IL7: variants seen among roughly 807,000 people sequenced by gnomAD.
The protein encoded by IL7 is interleukin 7.
Under a neutral mutation model 21.6 loss-of-function variants are expected in IL7, and 3 were observed. That is an observed-to-expected ratio of 0.14 (90% CI 0.06 to 0.36). The LOEUF (loss-of-function observed/expected upper bound fraction) is 0.36, where lower values mean the gene tolerates loss of function less well. IL7 is among the 10% of genes least tolerant of loss of function. The probability of loss-of-function intolerance (pLI) is 1.00; values close to 1 mark genes in which losing one functional copy is unlikely to be tolerated. For synonymous variants in IL7, 62 were observed against 68.1 expected (o/e 0.91, Z 0.44); for missense variants, 175 against 200.2 (o/e 0.87, Z 0.76).
intron 4 of IL7, among the ~76,000 whole-genome samples, chr8:78,737,469 A>G (rs1477447996): frequency 6.6e-6 from 1 of 152,138 alleles, no homozygotes; most frequent in East Asian, 1.9e-4. Flanking sequence ...ATAGAAAAAA[A>G]AAGTAGAAAT....
intron 1 of IL7, among the ~76,000 whole-genome samples, chr8:78,800,557 C>T (rs375826201): frequency 1.3e-5 from 2 of 152,156 alleles, no homozygotes; most frequent in Admixed American, 6.5e-5. Flanking sequence ...GCCTCAGCCT[C>T]CTTAAGTGTC....
intron 3 of IL7, among the ~76,000 whole-genome samples, chr8:78,693,487 G>A (rs967483163): frequency 2.0e-5 from 3 of 152,212 alleles, no homozygotes; most frequent in Admixed American, 6.5e-5. Context: ...GGCCAGTAAT[G>A]ATGAACATTT....
At chr8:78,791,120 C>T (rs1409712262) in intron 2 of IL7, among the ~76,000 whole-genome samples, 1 of 152,080 alleles carries the variant, frequency 6.6e-6, no homozygotes, top group African/African-American at 2.4e-5. Flanking sequence ...GGGGGAAAGA[C>T]AAGTTCTTTC....
intron 2 of IL7, among the ~76,000 whole-genome samples, chr8:78,770,530 C>G (rs573796928): frequency 3.0e-4 from 45 of 152,184 alleles, no homozygotes; most frequent in African/African-American, 1.1e-3. Context: ...AAATATATCT[C>G]TCTTTTATTC....
chr8:78,785,166 C>A (rs1043418684), intron 2 of IL7, among the ~76,000 whole-genome samples: 1 of 152,082 alleles, frequency 6.6e-6, no homozygotes, highest in Admixed American at 6.6e-5. Flanking sequence ...AACTTAGTAA[C>A]AATCATGTTG....
Position 78,706,900 on chromosome 8 carries a change from A to G in IL7, n.214+14448T>C, listed in dbSNP as rs141433837. Among the ~76,000 whole-genome samples, 871 of 152,280 alleles carry G rather than the reference A, an allele frequency of 5.7e-3. 8 individuals carry two copies. The highest frequency in any genetic ancestry group is 0.02 in the African/African-American group (816 of 41,554). ...AAAAGGAAAAAAAAATCAACCAACA[A>G]TATCTTTTGAGTTAAGTGATTTTTC... On this transcript the variant is annotated intron_variant and non_coding_transcript_variant, in intron 3 of 4. Coordinates refer to the IL7 transcript ENST00000523959.
intron 2 of IL7, among the ~76,000 whole-genome samples, chr8:78,757,999 C>A (rs1164594264): frequency 2.0e-5 from 3 of 151,992 alleles, no homozygotes; most frequent in Non-Finnish European, 4.4e-5. Context: ...TGTAAGATAT[C>A]CCTTTGTTCT....
At chr8:78,720,880 G>A (rs927899829) in intron 5 of IL7, 1 of 151,808 alleles carries the variant, frequency 6.6e-6, no homozygotes, top group African/African-American at 2.4e-5. Flanking sequence ...TTTCATTTAA[G>A]ATAAGGATCT....
At chr8:78,763,843 C>A (rs142591371) in intron 2 of IL7, among the ~76,000 whole-genome samples, 66 of 152,024 alleles carry the variant, frequency 4.3e-4, no homozygotes, top group African/African-American at 1.4e-3. Flanking sequence ...CCAGCATTAC[C>A]CTAATATCAA....
At chr8:78,792,883 C>T (rs1813740417) in intron 2 of IL7, among the ~76,000 whole-genome samples, 1 of 152,096 alleles carries the variant, frequency 6.6e-6, no homozygotes, top group South Asian at 2.1e-4. Context: ...AAAAGTTTAA[C>T]AGAGTGACCA....
intron 4 of IL7, among the ~76,000 whole-genome samples, chr8:78,682,722 C>G (rs1809828980): frequency 1.3e-5 from 2 of 152,298 alleles, no homozygotes; most frequent in African/African-American, 4.8e-5. Context: ...GCCTTCCCAA[C>G]AGTCCCCCAA....
chr8:78,762,423 G>C, intron 2 of IL7: 1 of 1,599,776 alleles, frequency 6.3e-7, no homozygotes, highest in South Asian at 1.1e-5. Context: ...CAGCGCAGAA[G>C]TTCGGCATCG....
intron 2 of IL7, among the ~76,000 whole-genome samples, chr8:78,772,450 C>T (rs898107277): frequency 3.3e-5 from 5 of 151,848 alleles, no homozygotes; most frequent in African/African-American, 1.2e-4. Context: ...AGAATGATAC[C>T]TTCCTTAATA....
chr8:78,796,795 T>C (rs1813867780), intron 2 of IL7, among the ~76,000 whole-genome samples: 1 of 152,006 alleles, frequency 6.6e-6, no homozygotes, highest in South Asian at 2.1e-4. Flanking sequence ...ATCTCATTCA[T>C]TGCTGGTAAG....
At chr8:78,757,133 T>C (rs1166333393) in intron 2 of IL7, among the ~76,000 whole-genome samples, 2 of 152,074 alleles carry the variant, frequency 1.3e-5, no homozygotes, top group African/African-American at 2.4e-5. Context: ...ATCTTCATTT[T>C]TTCATTAATC....
At chr8:78,790,475 A>G (rs1813650994) in intron 2 of IL7, among the ~76,000 whole-genome samples, 1 of 152,142 alleles carries the variant, frequency 6.6e-6, no homozygotes, top group African/African-American at 2.4e-5. Flanking sequence ...TCATTAATTT[A>G]TGGTGTTGAT....
chr8:78,727,037 A>G (rs534540484), intron 3 of IL7, among the ~76,000 whole-genome samples: 24 of 152,118 alleles, frequency 1.6e-4, no homozygotes, highest in Non-Finnish European at 2.5e-4. Context: ...ACTGGTCCTG[A>G]GACCATTAGG....
chr8:78,749,321 A>G (rs1429832637), intron 2 of IL7, among the ~76,000 whole-genome samples: 1 of 152,250 alleles, frequency 6.6e-6, no homozygotes, highest in Non-Finnish European at 1.5e-5. Context: ...AGTTGTTTTG[A>G]GAACTTCTAC....
At chr8:78,744,527 G>T (rs572327083) in intron 2 of IL7, among the ~76,000 whole-genome samples, 1 of 152,264 alleles carries the variant, frequency 6.6e-6, no homozygotes, top group East Asian at 1.9e-4. Context: ...CAACACTGCT[G>T]CTGGTGGCTG....
Sources: gnomAD v4.1 joint callset for allele counts (sites outside exome capture counted in the v4.1 genomes callset) on GRCh38, gnomAD v4.1.1 for gene constraint, MANE v1.5 for transcripts, NCBI Gene and HGNC (gene_info 2026-07-23, HGNC 2026-07-21) for gene names.